LIPE: variants seen among roughly 807,000 people sequenced by gnomAD.
The protein encoded by LIPE is lipase E, hormone sensitive type.
LIPE carries 66 observed loss-of-function variants against 88.5 expected under a neutral mutation model. The observed-to-expected ratio is 0.75, with a 90% CI of 0.61 to 0.91. LIPE has a LOEUF of 0.91. Among genes scored for constraint, LIPE ranks in the 40% least tolerant of loss-of-function variants. LIPE has a pLI of 0.00. For synonymous variants in LIPE, 570 were observed against 617.5 expected (o/e 0.92, Z 1.14); for missense variants, 1,346 against 1,434.7 (o/e 0.94, Z 1.00).
At chr19:42,423,718 G>A (rs2040650213) in intron 1 of LIPE, 2 of 1,128,476 alleles carry the variant, frequency 1.8e-6, no homozygotes, top group South Asian at 3.7e-5. Context: ...GCCCCCAACC[G>A]CCAGAATTTA....
intron 1 of LIPE, among the ~76,000 whole-genome samples, chr19:42,417,065 C>A (rs556463766): frequency 2.5e-3 from 374 of 152,096 alleles, no homozygotes; most frequent in Non-Finnish European, 3.9e-3. Context: ...GGACGACAGG[C>A]GCCCGCCACC....
rs777360396 is a variant in LIPE, at chr19:42,405,543, T to C, written c.2384A>G (p.His795Arg). 6.2e-7 allele frequency: 1 copy of C among 1,613,180 alleles called. No individual in the cohort carries two copies. Among genetic ancestry groups the C allele is most frequent in the Admixed American group, 1.7e-5 (1 of 59,888 alleles). ...GAGGGCTTTCTGGTCTGAGTTGGAG[T>C]GGTCCTCCGTCTTTGCACCTGCAGA... ...SAYAGAKTED[H>R]SNSDQKALGM... The change falls in exon 8 of 10, where the codon CAC becomes CGC. Residue 795 changes from histidine (H) to arginine (R), a missense_variant. Physicochemically the swap from His to Arg is conservative, Grantham distance 29. Coordinates refer to ENST00000244289, the MANE Select transcript of LIPE (RefSeq NM_005357.4).
At chr19:42,426,101 C>CTTTTTT (rs1030833973) in intron 1 of LIPE, among the ~76,000 whole-genome samples, 166 bp downstream of exon 1, 4 of 104,120 alleles carry the variant, frequency 3.8e-5, no homozygotes, top group African/African-American at 1.6e-4. Context: ...TGCGCCCAGC[C>CTTTTTT]TTTTTTTTTT....
At chr19:42,411,016 C>G (rs1039744644) in intron 1 of LIPE, among the ~76,000 whole-genome samples, 174 bp from the exon 2 acceptor site, 1 of 152,206 alleles carries the variant, frequency 6.6e-6, no homozygotes, top group African/African-American at 2.4e-5. Context: ...TAAGAGGTCA[C>G]CCTCTTGTCT....
Position 42,407,537 on chromosome 19 carries a change from G to T in LIPE, c.1842+69C>A. ...GGCCAGGGCTGCACCCCTCCATGGG[G>T]ATGCCAAGGTGGGGGCTGCCCACGC... is the stretch of plus-strand genomic sequence containing the variant. On this transcript the variant is annotated intron_variant, in intron 5 of 9. Coordinates refer to ENST00000244289, the MANE Select transcript of LIPE (RefSeq NM_005357.4). The surrounding 1 kb of genome is among the most constrained non-coding windows in gnomAD (Gnocchi z 5.8). 1.3e-6 allele frequency: 2 copies of T among 1,576,186 alleles called. No individual in the cohort carries two copies. The highest frequency in any genetic ancestry group is 1.7e-6 in the Non-Finnish European group (2 of 1,157,328).
chr19:42,415,861 G>A (rs2040476749), intron 1 of LIPE, among the ~76,000 whole-genome samples: 1 of 151,512 alleles, frequency 6.6e-6, no homozygotes, highest in South Asian at 2.1e-4. Context: ...GAGAAAGTCT[G>A]AACGGTCTGG....
At chr19:42,417,863 T>TAAATAAAA (rs2040519931) in intron 1 of LIPE, among the ~76,000 whole-genome samples, 1 of 151,318 alleles carries the variant, frequency 6.6e-6, no homozygotes, top group East Asian at 1.9e-4. Context: ...CTACAAAAAA[T>TAAATAAAA]AAATAAAAAA....
chr19:42,403,077 T>A (rs756167239), intron 8 of LIPE, 46 bp from the exon 9 acceptor site: 8 of 1,482,168 alleles, frequency 5.4e-6, no homozygotes, highest in Non-Finnish European at 7.2e-6. Flanking sequence ...AGTTTGGTTG[T>A]GTGTGTGGCT....
chr19:42,423,413 G>A lies in LIPE; in HGVS notation c.883+2854C>T, dbSNP rs145806643. 2.9e-5 allele frequency: 37 copies of A among 1,289,512 alleles called. No individual in the cohort carries two copies. In the East Asian group the frequency reaches 1.9e-3, roughly 68 times the overall value. The allele number at this position is 1,289,512 out of a possible 1,614,324, so 79.9% of individuals were successfully genotyped here. On this transcript the variant is annotated intron_variant, in intron 1 of 9. Coordinates refer to ENST00000244289, the MANE Select transcript of LIPE (RefSeq NM_005357.4). ...TCCGGGCTGCTGCCGGTCTCCGCGC[G>A]CTCACCTTTGGCCTTGTCTTTTCGC...
rs35067200 is a variant in LIPE, at chr19:42,413,595, C to T, written c.884-2753G>A. ...GCAGGAGAATGGTGTGAACCTGGGACGCGGAGCTTGCACTGAGCCAAGATC... is the reference window on the plus strand; with the variant it reads ...GCAGGAGAATGGTGTGAACCTGGGATGCGGAGCTTGCACTGAGCCAAGATC... On this transcript the variant is annotated intron_variant, in intron 1 of 9. Transcript: ENST00000244289. Among the ~76,000 whole-genome samples, 1,202 of 152,278 alleles carry T rather than the reference C, an allele frequency of 7.9e-3. 16 individuals are homozygous for T. The highest frequency in any genetic ancestry group is 0.027 in the African/African-American group (1,129 of 41,554).
At chr19:42,413,046 C>T (rs1265794640) in intron 1 of LIPE, among the ~76,000 whole-genome samples, 2 of 152,226 alleles carry the variant, frequency 1.3e-5, no homozygotes, top group East Asian at 3.8e-4. Context: ...ATCCCCACCT[C>T]ACACAGGGAA....
In LIPE at chr19:42,408,249, C is replaced by A. The variant is rs746234934; in HGVS notation, c.1493G>T (p.Arg498Leu). ...GGACTCACTGAGGCCTGTCTCGTTG[C>A]GTTTGTAGTGCTCCCCGAAGGACAC... ...GLVSFGEHYKRNETGLSVAAS... is the reference protein window; with the variant it reads ...GLVSFGEHYKLNETGLSVAAS... Residue 498 changes from arginine to leucine, a missense_variant, in exon 3 of 10, where the codon CGC becomes CTC. By Grantham distance (102) the Arg-to-Leu change is moderately radical (BLOSUM62 -2). Transcript: ENST00000244289. The surrounding 1 kb of genome is among the most constrained non-coding windows in gnomAD (Gnocchi z 4.3). 2 of 1,613,832 alleles carry A rather than the reference C, an allele frequency of 1.2e-6. No individual in the cohort carries two copies. Among genetic ancestry groups the A allele is most frequent in the Non-Finnish European group, 1.7e-6 (2 of 1,179,972 alleles).
Position 42,427,322 on chromosome 19 carries a change from C to T in LIPE, c.-173G>A, listed in dbSNP as rs1174726359. The T allele has an allele frequency of 5.5e-6, 7 of 1,283,456 alleles. No individual in the cohort carries two copies. The highest frequency in any genetic ancestry group is 2.6e-5 in the East Asian group (1 of 38,552). 79.5% of individuals were successfully genotyped at this position (1,283,456 alleles called of 1,614,324 possible). The stretch of plus-strand genomic sequence containing the variant: ...CTTTTTAAGGCAGCTGGCAGTTGGC[C>T]GATCACAGCTGGCCCCCACTAAGTA... On this transcript the variant is annotated 5_prime_UTR_variant, in exon 1 of 10. Transcript: ENST00000244289.
intron 9 of LIPE, 80 bp from the exon 10 acceptor site, chr19:42,402,155 A>T: frequency 7.5e-7 from 1 of 1,330,708 alleles, no homozygotes; most frequent in Non-Finnish European, 9.9e-7. Context: ...GAGGGGTTTG[A>T]TGAACAAAGG....
In LIPE at chr19:42,410,829, G is replaced by A; in HGVS notation, c.897C>T (p.Ile299=). ...RHYQDTASRL[I]HNMDLRTMTQ... ...TCATTGTGCGCAGGTCCATGTTGTG[G>A]ATGAGCCTTGAGGCTGTGGGCAGGT... Residue 299 remains isoleucine (I), a synonymous_variant, in exon 2 of 10, where the codon ATC becomes ATT. Coordinates refer to ENST00000244289, the MANE Select transcript of LIPE (RefSeq NM_005357.4). The surrounding 1 kb of genome is among the most constrained non-coding windows in gnomAD (Gnocchi z 6.1). 5 of 1,560,508 alleles carry A rather than the reference G, an allele frequency of 3.2e-6. No homozygotes were observed. The highest frequency in any genetic ancestry group is 4.3e-6 in the Non-Finnish European group (5 of 1,150,686).
At position 42,410,401 on chromosome 19, in the gene LIPE, A is replaced by G; in HGVS notation, c.1325T>C (p.Phe442Ser). ...GGTGAGCCCCTCGTCGCCCTCAAAGAAGAGTACCCCCGGCCGATTGGTAAC... is the reference window on the plus strand; with the variant it reads ...GGTGAGCCCCTCGTCGCCCTCAAAGGAGAGTACCCCCGGCCGATTGGTAAC... ...LLVTNRPGVL[F>S]FEGDEGLTAD... The change falls in exon 2 of 10, where the codon TTC becomes TCC. Residue 442 changes from phenylalanine (F) to serine (S), a missense_variant. Phe to Ser is a radical substitution (Grantham distance 155). Transcript: ENST00000244289. The surrounding 1 kb of genome is among the most constrained non-coding windows in gnomAD (Gnocchi z 6.1). The G allele has an allele frequency of 6.2e-7, 1 of 1,614,126 alleles. No individual in the cohort carries two copies. Among genetic ancestry groups the G allele is most frequent in the Non-Finnish European group, 8.5e-7 (1 of 1,180,016 alleles).
intron 1 of LIPE, among the ~76,000 whole-genome samples, chr19:42,417,332 T>G (rs1356361401): frequency 6.6e-6 from 1 of 152,158 alleles, no homozygotes; most frequent in East Asian, 1.9e-4. Context: ...CGATCATACC[T>G]CACTGCAGCC....
chr19:42,411,319 C>T (rs781028103), intron 1 of LIPE: 32 of 985,166 alleles, frequency 3.2e-5, no homozygotes, highest in Non-Finnish European at 3.7e-5. Context: ...TCCAGGAACC[C>T]AAGAGTCTAG....
At chr19:42,418,437 C>G (rs944740599) in intron 1 of LIPE, among the ~76,000 whole-genome samples, 1 of 152,204 alleles carries the variant, frequency 6.6e-6, no homozygotes, top group Non-Finnish European at 1.5e-5. Context: ...CCACCACCCT[C>G]GTGAGTCAGC....
Sources: gnomAD v4.1 joint callset for allele counts (sites outside exome capture counted in the v4.1 genomes callset) on GRCh38, gnomAD v4.1.1 for gene constraint, Gnocchi (gnomAD v3.1) non-coding constraint, MANE v1.5 for transcripts, NCBI Gene and HGNC (gene_info 2026-07-23, HGNC 2026-07-21) for gene names.